Variants in SUGCT observed in about 807,000 individuals in gnomAD.
The protein encoded by SUGCT is succinyl-CoA:glutarate-CoA transferase.
A neutral mutation model predicts 55.0 loss-of-function variants in SUGCT; 41 were observed. The ratio of observed to expected loss-of-function variants is 0.74; its 90% CI spans 0.58 to 0.97. The LOEUF (loss-of-function observed/expected upper bound fraction) is 0.97, where lower values mean the gene tolerates loss of function less well. SUGCT is among the 50% of genes least tolerant of loss of function. SUGCT has a pLI of 0.00. For synonymous variants in SUGCT, 187 were observed against 200.4 expected (o/e 0.93, Z 0.56); for missense variants, 568 against 547.8 (o/e 1.04, Z -0.37).
intron 9 of SUGCT, among the ~76,000 whole-genome samples, chr7:40,372,125 G>C (rs1467830046): frequency 6.6e-6 from 1 of 150,540 alleles, no homozygotes; most frequent in Non-Finnish European, 1.5e-5. Context: ...GTTTGTTTTT[G>C]GATTATATTT....
chr7:40,650,263 T>C (rs1800711151), intron 12 of SUGCT, among the ~76,000 whole-genome samples: 1 of 152,180 alleles, frequency 6.6e-6, no homozygotes. Flanking sequence ...TAAGTGACAT[T>C]ATGCTACCTC....
chr7:40,450,010 C>T (rs1055776019), intron 10 of SUGCT, among the ~76,000 whole-genome samples: 1 of 152,160 alleles, frequency 6.6e-6, no homozygotes, highest in African/African-American at 2.4e-5. Context: ...ATCACTGCAA[C>T]CTCTGCCTCC....
intron 11 of SUGCT, among the ~76,000 whole-genome samples, chr7:40,483,779 A>G (rs1791186429): frequency 6.6e-6 from 1 of 152,284 alleles, no homozygotes. Flanking sequence ...AATTTCTCCA[A>G]CTGTGGGAAC....
chr7:40,379,777 A>G (rs970356979), intron 9 of SUGCT, among the ~76,000 whole-genome samples: 4 of 152,182 alleles, frequency 2.6e-5, no homozygotes, highest in Admixed American at 2.6e-4. Context: ...AAGGTTAGTA[A>G]GAAGTGAAAT....
At chr7:40,890,336 T>TGTTATATA in the SUGCT span, among the ~76,000 whole-genome samples, 505 of 124,560 alleles carry the variant, frequency 4.1e-3, 8 homozygotes, top group Middle Eastern at 0.016. Context: ...TAAATATTAA[T>TGTTATATA]ATATAAATAT....
chr7:40,650,718 TTTTTA>T (rs1180502231), intron 12 of SUGCT, among the ~76,000 whole-genome samples: 1 of 152,174 alleles, frequency 6.6e-6, no homozygotes, highest in Non-Finnish European at 1.5e-5. Flanking sequence ...ACTTTGTACT[TTTTTA>T]TTTTAAGTTC....
intron 12 of SUGCT, among the ~76,000 whole-genome samples, chr7:40,726,519 A>G (rs1427109578): frequency 6.6e-6 from 1 of 152,174 alleles, no homozygotes; most frequent in Non-Finnish European, 1.5e-5. Flanking sequence ...CGTGCAGTTC[A>G]AACCTGTGTT....
At chr7:40,713,331 TG>T (rs1785828286) in intron 12 of SUGCT, among the ~76,000 whole-genome samples, 1 of 152,206 alleles carries the variant, frequency 6.6e-6, no homozygotes, top group Non-Finnish European at 1.5e-5. Flanking sequence ...GTGCCTCTCC[TG>T]TGCCTGGCCT....
chr7:40,463,689 G>A (rs765808855), intron 11 of SUGCT, among the ~76,000 whole-genome samples: 2 of 152,154 alleles, frequency 1.3e-5, no homozygotes, highest in Admixed American at 6.5e-5. Context: ...CAGCACACAC[G>A]ATTCCCCTCA....
chr7:40,578,176 T>C (rs1796874446), intron 12 of SUGCT, among the ~76,000 whole-genome samples: 1 of 152,166 alleles, frequency 6.6e-6, no homozygotes, highest in South Asian at 2.1e-4. Context: ...TCTTTGAGAA[T>C]GACTTGTCTA....
chr7:40,650,934 T>A (rs1800745497), intron 12 of SUGCT, among the ~76,000 whole-genome samples: 1 of 152,168 alleles, frequency 6.6e-6, no homozygotes, highest in Non-Finnish European at 1.5e-5. Context: ...GTGTTCTCAT[T>A]GCTCAGCTTC....
chr7:40,525,114 T>G (rs1193149015), intron 12 of SUGCT, among the ~76,000 whole-genome samples: 2 of 152,192 alleles, frequency 1.3e-5, no homozygotes, highest in African/African-American at 4.8e-5. Flanking sequence ...ATAATGAAAT[T>G]AGAGGCACTG....
intron 8 of SUGCT, among the ~76,000 whole-genome samples, chr7:40,280,901 G>A (rs1792908124): frequency 6.6e-6 from 1 of 152,136 alleles, no homozygotes; most frequent in Admixed American, 6.6e-5. Flanking sequence ...TGCCGATGAG[G>A]CTAGAATGGA....
chr7:40,276,731 G>T (rs148396020), intron 8 of SUGCT, among the ~76,000 whole-genome samples: 2 of 152,102 alleles, frequency 1.3e-5, no homozygotes, highest in African/African-American at 4.8e-5. Context: ...CAAAGTGAGG[G>T]CACAGTGACG....
chr7:40,689,359 T>G (rs1428416912), intron 12 of SUGCT, among the ~76,000 whole-genome samples: 2 of 152,228 alleles, frequency 1.3e-5, no homozygotes, highest in Non-Finnish European at 2.9e-5. Flanking sequence ...ACCTTTTTTA[T>G]GTCTGAATTT....
chr7:40,269,952 C>T (rs1022963516), intron 7 of SUGCT, among the ~76,000 whole-genome samples: 6 of 151,810 alleles, frequency 4.0e-5, no homozygotes, highest in Admixed American at 6.6e-5. Context: ...GCCTGGGCAA[C>T]GTGGGGAGAC....
At chr7:40,748,461 AGT>A (rs1787846568) in intron 12 of SUGCT, among the ~76,000 whole-genome samples, 2 of 151,798 alleles carry the variant, frequency 1.3e-5, no homozygotes, top group African/African-American at 4.8e-5. Context: ...TGTTTTAAAG[AGT>A]TTTGTATTGG....
At chr7:40,531,675 T>A (rs1456101819) in intron 12 of SUGCT, among the ~76,000 whole-genome samples, 2 of 151,666 alleles carry the variant, frequency 1.3e-5, no homozygotes, top group Admixed American at 6.6e-5. Flanking sequence ...TATATTTTTT[T>A]ATTTTTTTAT....
chr7:40,427,861 A>G (rs747124005), intron 9 of SUGCT, among the ~76,000 whole-genome samples: 3 of 152,176 alleles, frequency 2.0e-5, no homozygotes, highest in Admixed American at 6.6e-5. Flanking sequence ...AGAATATTCC[A>G]GTGGTTCTTG....
Sources: allele counts gnomAD v4.1 joint callset (sites outside exome capture counted in the v4.1 genomes callset), GRCh38; gene constraint gnomAD v4.1.1; transcripts MANE v1.5; gene names NCBI Gene and HGNC (gene_info 2026-07-23, HGNC 2026-07-21).